The following GPM6A variants were observed in gnomAD, a reference collection of about 807,000 sequenced individuals.
The protein encoded by GPM6A is glycoprotein M6A, also known as neuronal membrane glycoprotein M6-a.
A neutral mutation model predicts 32.1 loss-of-function variants in GPM6A; 7 were observed. The ratio of observed to expected loss-of-function variants is 0.22; its 90% CI spans 0.12 to 0.41. The LOEUF (loss-of-function observed/expected upper bound fraction) is 0.41, where lower values mean the gene tolerates loss of function less well. GPM6A is among the 10% of genes least tolerant of loss of function. The probability of loss-of-function intolerance (pLI) is 1.00; values close to 1 mark genes in which losing one functional copy is unlikely to be tolerated. For synonymous variants in GPM6A, 130 were observed against 123.4 expected (o/e 1.05, Z -0.35); for missense variants, 235 against 347.2 (o/e 0.68, Z 2.57).
chr4:175,674,705 T>C (rs1743267344), intron 2 of GPM6A, among the ~76,000 whole-genome samples: 1 of 152,160 alleles, frequency 6.6e-6, no homozygotes, highest in Non-Finnish European at 1.5e-5. Context: ...ATACACATCA[T>C]GTGTATTTGT....
intron 1 of GPM6A, among the ~76,000 whole-genome samples, chr4:175,864,905 A>G (rs989896940): frequency 2.6e-5 from 4 of 151,766 alleles, no homozygotes; most frequent in African/African-American, 2.4e-5. Context: ...ACCTAGGCTC[A>G]AGCAATTCTC....
At chr4:175,824,359 C>A (rs951227055) in intron 1 of GPM6A, among the ~76,000 whole-genome samples, 1 of 152,124 alleles carries the variant, frequency 6.6e-6, no homozygotes, top group Non-Finnish European at 1.5e-5. Flanking sequence ...CGGTTTTCAG[C>A]GATGTGCTCA....
chr4:175,766,979 T>G (rs1442212494), intron 1 of GPM6A, among the ~76,000 whole-genome samples: 1 of 152,212 alleles, frequency 6.6e-6, no homozygotes, highest in South Asian at 2.1e-4. Context: ...ACCTCTGAGT[T>G]TCCCCTCTAA....
At chr4:175,780,134 G>A (rs186273035) in intron 1 of GPM6A, among the ~76,000 whole-genome samples, 227 of 150,830 alleles carry the variant, frequency 1.5e-3, no homozygotes, top group African/African-American at 5.4e-3. Flanking sequence ...TGCAACCTCC[G>A]CCTCCCAGGT....
At chr4:175,663,520 GT>G (rs756496859) in intron 3 of GPM6A, among the ~76,000 whole-genome samples, 22 of 152,024 alleles carry the variant, frequency 1.4e-4, no homozygotes, top group Non-Finnish European at 8.8e-5. Context: ...AAGAGAGTAG[GT>G]TTTAAGTGTT....
intron 2 of GPM6A, among the ~76,000 whole-genome samples, chr4:175,675,028 C>CTT (rs1743289652): frequency 6.6e-6 from 1 of 151,884 alleles, no homozygotes; most frequent in Non-Finnish European, 1.5e-5. Context: ...AGATTTAATT[C>CTT]TTTTCCCCAG....
chr4:175,887,887 A>G (rs1737513452), intron 1 of GPM6A, among the ~76,000 whole-genome samples: 1 of 151,888 alleles, frequency 6.6e-6, no homozygotes. Context: ...CCCAGATATT[A>G]TTAAATAAGG....
At chr4:175,760,031 T>C (rs145502624) in intron 1 of GPM6A, among the ~76,000 whole-genome samples, 50 of 152,004 alleles carry the variant, frequency 3.3e-4, no homozygotes, top group Admixed American at 9.8e-4. Context: ...AATACAAAAA[T>C]TAGCCGGGTG....
chr4:175,702,399 G>A (rs1744929840), intron 1 of GPM6A, among the ~76,000 whole-genome samples: 1 of 152,128 alleles, frequency 6.6e-6, no homozygotes, highest in Non-Finnish European at 1.5e-5. Flanking sequence ...TCCCTACTAT[G>A]CTATCGAATA....
At chr4:175,889,606 G>T (rs1737571879) in intron 1 of GPM6A, among the ~76,000 whole-genome samples, 2 of 151,838 alleles carry the variant, frequency 1.3e-5, no homozygotes, top group Admixed American at 1.3e-4. Context: ...ACAACGTCAG[G>T]AGATTGAGGC....
At chr4:175,834,008 G>A (rs1735691129) in intron 1 of GPM6A, among the ~76,000 whole-genome samples, 1 of 152,054 alleles carries the variant, frequency 6.6e-6, no homozygotes, top group Non-Finnish European at 1.5e-5. Flanking sequence ...AGAAAAAGTT[G>A]GTCCTATTAG....
chr4:175,878,953 C>G (rs1737178570), intron 1 of GPM6A, among the ~76,000 whole-genome samples: 1 of 152,182 alleles, frequency 6.6e-6, no homozygotes, highest in Non-Finnish European at 1.5e-5. Context: ...GAATGCTTTG[C>G]TGCTTAGAAA....
At chr4:175,844,564 GC>G (rs1175058302) in intron 1 of GPM6A, among the ~76,000 whole-genome samples, 2 of 152,126 alleles carry the variant, frequency 1.3e-5, no homozygotes, top group Non-Finnish European at 2.9e-5. Context: ...GATTATAGAT[GC>G]CTATTCTCAC....
intron 1 of GPM6A, among the ~76,000 whole-genome samples, chr4:175,786,624 G>C (rs1257243201): frequency 1.3e-5 from 2 of 152,036 alleles, no homozygotes; most frequent in African/African-American, 4.8e-5. Context: ...AAAGCAGCTT[G>C]AGTCTAGACG....
chr4:175,693,520 T>C (rs1423265049), intron 2 of GPM6A, among the ~76,000 whole-genome samples: 1 of 152,036 alleles, frequency 6.6e-6, no homozygotes, highest in Non-Finnish European at 1.5e-5. Flanking sequence ...CATCCTTCCC[T>C]AAACACTTTA....
At chr4:175,877,244 G>A (rs1177347802) in intron 1 of GPM6A, among the ~76,000 whole-genome samples, 1 of 152,072 alleles carries the variant, frequency 6.6e-6, no homozygotes, top group Non-Finnish European at 1.5e-5. Context: ...TCAGTGGTAG[G>A]CAAGAAGCAA....
intron 1 of GPM6A, among the ~76,000 whole-genome samples, chr4:175,863,063 C>A (rs6825038): frequency 0.32 from 48,157 of 151,902 alleles, 7,631 homozygotes; most frequent in East Asian, 0.36. Context: ...ATTGAGTAGA[C>A]ATTTTTGAGA....
intron 1 of GPM6A, among the ~76,000 whole-genome samples, chr4:175,726,200 C>G (rs905530209): frequency 6.6e-6 from 1 of 151,654 alleles, no homozygotes; most frequent in Admixed American, 6.6e-5. Context: ...GGGGTTTCAC[C>G]GTGTTGGCCA....
chr4:175,760,172 T>A (rs1732683168), intron 1 of GPM6A, among the ~76,000 whole-genome samples: 1 of 151,978 alleles, frequency 6.6e-6, no homozygotes, highest in Non-Finnish European at 1.5e-5. Context: ...TGAGACTCCG[T>A]CTCAACAAAA....
Sources: allele counts gnomAD v4.1 joint callset (sites outside exome capture counted in the v4.1 genomes callset), GRCh38; gene constraint gnomAD v4.1.1; transcripts MANE v1.5; gene names NCBI Gene and HGNC (gene_info 2026-07-23, HGNC 2026-07-21).